The following OTUD7B variants were observed in gnomAD, a reference collection of about 807,000 sequenced individuals.
OTUD7B encodes OTU deubiquitinase 7B, also known as OTU domain-containing protein 7B.
In OTUD7B, 34 loss-of-function variants were observed where a neutral mutation model predicts 82.2. The observed-to-expected ratio is 0.41, with a 90% CI of 0.31 to 0.55. The LOEUF (loss-of-function observed/expected upper bound fraction) is 0.55. Ranked by LOEUF, OTUD7B falls within the 20% of genes least tolerant of loss-of-function variation. OTUD7B has a pLI of 0.20. For missense variants in OTUD7B, 944 were observed against 1,062.1 expected, an observed-to-expected ratio of 0.89 and a Z score of 1.55; for synonymous variants, 398 against 402.7, an observed-to-expected ratio of 0.99 and a Z score of 0.14.
At chr1:150,029,587 C>T in the OTUD7B span, among the ~76,000 whole-genome samples, 4 of 152,122 alleles carry the variant, frequency 2.6e-5, no homozygotes, top group African/African-American at 9.7e-5. Context: ...AAAGAAAGCT[C>T]AAGGAAAGCG....
rs370421419 is a variant in OTUD7B at position 149,944,416 on chromosome 1, C to G, written c.1973G>C (p.Gly658Ala). 2.0e-5 allele frequency: 32 copies of G among 1,614,108 alleles called. No individual in the cohort carries two copies. Among genetic ancestry groups the G allele is most frequent in the African/African-American group, 1.6e-4 (12 of 75,016 alleles). Residue 658 changes from glycine (G) to alanine (A), a missense_variant, in exon 12 of 12, where the codon GGG (glycine) becomes GCG (alanine). This residue lies in a region of OTUD7B where 412 missense variants were observed against 418.7 expected (regional missense o/e 0.98). Coordinates refer to ENST00000581312, the MANE Select transcript of OTUD7B (RefSeq NM_020205.4). ...CTTTTTGGCTGGAGGAGGGCCACCC[C>G]CTATTCCTCCATTCATGATCTTCCT... ...AERKIMNGGI[G>A]GGPPPAKKPE...
At position 149,949,009 on chromosome 1, in the gene OTUD7B, C is replaced by A. The variant is rs1353809516; in HGVS notation, c.1198G>T (p.Glu400Ter). The change falls in exon 10 of 12, where the codon GAG becomes TAG. Residue 400 changes from glutamate to a stop codon, truncating the protein, a stop_gained. Coordinates refer to ENST00000581312, the MANE Select transcript of OTUD7B (RefSeq NM_020205.4). LOFTEE classifies it high-confidence loss of function. ...HFAVDPGKGW[E>*]WGKDDSDNVR... ...TTGTCACTATCATCTTTGCCCCACT[C>A]CCAGCCCTTTCCAGGGTCCACAGCA... 1 of 1,613,908 alleles carries A rather than the reference C, an allele frequency of 6.2e-7. No homozygotes were observed. The highest frequency in any genetic ancestry group is 1.3e-5 in the African/African-American group (1 of 74,934).
At position 149,965,640 on chromosome 1, in the gene OTUD7B, A is replaced by C; in HGVS notation, c.604+137T>G. ...TGCCAACATAAACACACAGACACACACGTAAGCATGCACAATCTCGCTCTG... is the reference window on the plus strand; with the variant it reads ...TGCCAACATAAACACACAGACACACCCGTAAGCATGCACAATCTCGCTCTG... On this transcript the variant is annotated intron_variant, in intron 5 of 11. Transcript: ENST00000581312. 7.7e-6 allele frequency: 5 copies of C among 650,720 alleles called. No homozygotes were observed. In the Middle Eastern group the frequency reaches 1.5e-3, roughly 199 times the overall value. 40.3% of individuals were successfully genotyped at this position (650,720 alleles called of 1,614,324 possible).
rs587697075 is a variant in OTUD7B at position 150,008,171 on chromosome 1, T to C, written c.-67+2277A>G. Among the ~76,000 whole-genome samples the C allele has an allele frequency of 8.5e-5, 13 of 152,324 alleles. No homozygotes were observed. The South Asian group carries it at 2.5e-3, about 29-fold the overall frequency. ...GGCAGCTCTCCACTCATTCCTAGGC[T>C]TCTTCAACCCCTTTGATCCCCATGC... On this transcript the variant is annotated intron_variant, in intron 1 of 11. Coordinates refer to ENST00000581312, the MANE Select transcript of OTUD7B (RefSeq NM_020205.4).
In OTUD7B at chr1:149,942,222, C is replaced by G. The variant is rs1160489387; in HGVS notation, c.*1635G>C. The G allele has an allele frequency of 2.0e-5, 3 of 152,638 alleles. No individual in the cohort carries two copies. Among genetic ancestry groups the G allele is most frequent in the Admixed American group, 6.5e-5 (1 of 15,282 alleles). 9.5% of individuals were successfully genotyped at this position (152,638 alleles called of 1,614,324 possible). On this transcript the variant is annotated 3_prime_UTR_variant, in exon 12 of 12. Coordinates refer to ENST00000581312, the MANE Select transcript of OTUD7B (RefSeq NM_020205.4). The stretch of plus-strand genomic sequence containing the variant: ...GAGAAATCCAAACACAGAAAAACAG[C>G]CCCAGTTAATACTCTGGACACATAA...
chr1:150,051,054 C>A, the OTUD7B span, among the ~76,000 whole-genome samples: 11 of 151,510 alleles, frequency 7.3e-5, no homozygotes, highest in Admixed American at 7.2e-4. Flanking sequence ...CATGGTGAAA[C>A]CCTGTCTCTA....
the OTUD7B span, among the ~76,000 whole-genome samples, chr1:150,028,920 C>T: frequency 1.3e-5 from 2 of 152,144 alleles, no homozygotes; most frequent in East Asian, 3.8e-4. Flanking sequence ...GCATAATGTC[C>T]TCAAGGTTCA....
At chr1:150,023,084 A>G in the OTUD7B span, among the ~76,000 whole-genome samples, 1 of 152,198 alleles carries the variant, frequency 6.6e-6, no homozygotes, top group Admixed American at 6.5e-5. Context: ...CAGATGCACA[A>G]AGGTGAATCT....
upstream of OTUD7B, among the ~76,000 whole-genome samples, chr1:150,013,920 C>CAAAAAAA (rs1207073066): frequency 1.8e-5 from 1 of 54,630 alleles, no homozygotes; most frequent in Non-Finnish European, 3.1e-5. Context: ...GACTCTGTCT[C>CAAAAAAA]AAAAAAAAAA....
At chr1:150,001,398 G>A (rs1652271153) in intron 1 of OTUD7B, among the ~76,000 whole-genome samples, 1 of 152,332 alleles carries the variant, frequency 6.6e-6, no homozygotes, top group East Asian at 1.9e-4. Context: ...TTCAGTTTTA[G>A]ACTGAAGAGG....
the OTUD7B span, among the ~76,000 whole-genome samples, chr1:150,039,925 G>T: frequency 6.6e-6 from 1 of 151,986 alleles, no homozygotes; most frequent in Non-Finnish European, 1.5e-5. Flanking sequence ...TACCTCTATT[G>T]CCTGTGTATA....
chr1:150,066,075 CTT>C, the OTUD7B span, among the ~76,000 whole-genome samples: 1 of 152,130 alleles, frequency 6.6e-6, no homozygotes, highest in South Asian at 2.1e-4. This position sits in a 1 kb window ranked among gnomAD's most constrained non-coding sequence, Gnocchi z 4.6. Context: ...ATAGACAAGT[CTT>C]TATCTCCTTC....
intron 6 of OTUD7B, chr1:149,961,892 T>A (rs1649187391): frequency 1.3e-5 from 2 of 152,216 alleles, no homozygotes; most frequent in Non-Finnish European, 2.9e-5. Context: ...AGGATGTATA[T>A]AATGATAAGG....
chr1:149,950,977 ATTTTTT>A (rs1458504169), intron 7 of OTUD7B, among the ~76,000 whole-genome samples: 22 of 22,412 alleles, frequency 9.8e-4, no homozygotes, highest in African/African-American at 4.5e-3. Flanking sequence ...TACTTTTTGT[ATTTTTT>A]TTTTTTTTTT....
At position 149,942,447 on chromosome 1, in the gene OTUD7B, C is replaced by A. The variant is rs1647321915; in HGVS notation, c.*1410G>T. On this transcript the variant is annotated 3_prime_UTR_variant, in exon 12 of 12. Transcript: ENST00000581312. ...TGTGCAAAATGCGAAGGAGCTCCCC[C>A]TACTGTGTCCGCATCCCCACTCCCA... The A allele has an allele frequency of 6.6e-6, 1 of 152,590 alleles. No homozygotes were observed. 9.5% of individuals were successfully genotyped at this position (152,590 alleles called of 1,614,324 possible). A position where few individuals can be genotyped will look rare whatever the true frequency, so the allele number is the denominator to read the frequency against.
chr1:150,022,429 A>T, the OTUD7B span, among the ~76,000 whole-genome samples: 9 of 2,524 alleles, frequency 3.6e-3, 4 homozygotes, highest in African/African-American at 0.01. Context: ...AAAAATAACT[A>T]CATGCTGAAG....
At chr1:150,022,366 C>A in the OTUD7B span, among the ~76,000 whole-genome samples, 1 of 141,258 alleles carries the variant, frequency 7.1e-6, no homozygotes, top group Non-Finnish European at 1.5e-5. Flanking sequence ...CCATTGCACT[C>A]CAGCCTGGGT....
intron 3 of OTUD7B, 67 bp downstream of exon 3, chr1:149,970,994 TTA>T: frequency 7.4e-7 from 1 of 1,347,450 alleles, no homozygotes; most frequent in Non-Finnish European, 1.0e-6. Flanking sequence ...TCACTAGACT[TTA>T]TGACTCCATT....
chr1:149,990,947 C>T (rs1043989363), intron 1 of OTUD7B, among the ~76,000 whole-genome samples: 8 of 151,260 alleles, frequency 5.3e-5, no homozygotes, highest in Admixed American at 3.9e-4. Context: ...GCTGAGATCG[C>T]GCCATTGCAC....
Sources: gnomAD v4.1 joint callset for allele counts (sites outside exome capture counted in the v4.1 genomes callset) on GRCh38, gnomAD v4.1.1 for gene constraint, gnomAD v4.1.1 regional missense constraint, Gnocchi (gnomAD v3.1) non-coding constraint, MANE v1.5 for transcripts, NCBI Gene and HGNC (gene_info 2026-07-23, HGNC 2026-07-21) for gene names.